PROSER2: variants seen among roughly 807,000 people sequenced by gnomAD.
PROSER2 encodes proline and serine rich 2.
A neutral mutation model predicts 14.6 loss-of-function variants in PROSER2; 18 were observed. That is an observed-to-expected ratio of 1.23 (90% confidence interval 0.85 to 1.83). PROSER2 has a LOEUF of 1.83. PROSER2 is among the 40% of genes most tolerant of loss of function. The pLI is 0.00. For missense variants in PROSER2, 823 were observed against 629.8 expected, an observed-to-expected ratio of 1.31 and a Z score of -3.28; for synonymous variants, 367 against 286.4, an observed-to-expected ratio of 1.28 and a Z score of -2.84.
At chr10:11,824,432 T>G (rs1833583443) in intron 1 of PROSER2, among the ~76,000 whole-genome samples, 2 of 152,232 alleles carry the variant, frequency 1.3e-5, no homozygotes. Context: ...TTAAAAATAC[T>G]TTTTACATTA....
chr10:11,835,322 G>C (rs1010934741), intron 1 of PROSER2, among the ~76,000 whole-genome samples: 1 of 152,008 alleles, frequency 6.6e-6, no homozygotes, highest in Admixed American at 6.6e-5. Flanking sequence ...GGATGACATG[G>C]ACATTGGGCT....
chr10:11,841,745 T>A (rs1183493536), intron 1 of PROSER2, among the ~76,000 whole-genome samples: 1 of 152,212 alleles, frequency 6.6e-6, no homozygotes, highest in Non-Finnish European at 1.5e-5. Flanking sequence ...AATATATATT[T>A]GATACCAGTC....
chr10:11,852,070 C>G lies in PROSER2; in HGVS notation c.-8C>G, dbSNP rs916670163. ...TGTGATCGAGCCGGCCCTGAGGACT[C>G]TGTGGAGATGCCTGTAACCCACCGG... On this transcript the variant is annotated 5_prime_UTR_variant, in exon 2 of 4. Transcript: ENST00000277570. The G allele has an allele frequency of 1.9e-5, 30 of 1,606,060 alleles. No individual in the cohort carries two copies. The highest frequency in any genetic ancestry group is 2.5e-5 in the Non-Finnish European group (29 of 1,175,928).
intron 2 of PROSER2, among the ~76,000 whole-genome samples, chr10:11,858,282 T>G (rs1284694170): frequency 6.6e-6 from 1 of 152,184 alleles, no homozygotes; most frequent in South Asian, 2.1e-4. Flanking sequence ...TTTTAAGCCT[T>G]CTCAGCATTT....
rs1164081365 is a variant in PROSER2, at chr10:11,870,273, C to T, written c.1175C>T (p.Ala392Val). 1.7e-5 allele frequency: 25 copies of T among 1,491,528 alleles called. No homozygotes were observed. Among genetic ancestry groups the T allele is most frequent in the Non-Finnish European group, 2.1e-5 (24 of 1,128,384 alleles). 92.4% of individuals were successfully genotyped at this position (1,491,528 alleles called of 1,614,324 possible). A position where few individuals can be genotyped will look rare whatever the true frequency, so the allele number is the denominator to read the frequency against. Residue 392 changes from alanine to valine, a missense_variant, in exon 4 of 4, where the codon GCC becomes GTC. Physicochemically the swap from Ala to Val is moderately conservative, Grantham distance 64. Coordinates refer to ENST00000277570, the MANE Select transcript of PROSER2 (RefSeq NM_153256.4). ...CCCGGGCCCCGGCAGCCCAACGGCG[C>T]CCAGGACTGGCGCCGCGCAGACTCC... ...SFPGPRQPNG[A>V]QDWRRADSLP...
Position 11,870,594 on chromosome 10 carries a change from C to T in PROSER2, c.*188C>T. On this transcript the variant is annotated 3_prime_UTR_variant, in exon 4 of 4. Coordinates refer to ENST00000277570, the MANE Select transcript of PROSER2 (RefSeq NM_153256.4). Reference sequence around the variant, plus strand: ...GCTGAGCACGCACCGCAAGCTCCAGCCACCGGCACAGAGAACTCTTCCCTA... The same window carrying T: ...GCTGAGCACGCACCGCAAGCTCCAGTCACCGGCACAGAGAACTCTTCCCTA... 2.1e-6 allele frequency: 1 copy of T among 487,182 alleles called. No homozygotes were observed. Among genetic ancestry groups the T allele is most frequent in the Non-Finnish European group, 3.7e-6 (1 of 272,794 alleles). 30.2% of individuals were successfully genotyped at this position (487,182 alleles called of 1,614,324 possible).
chr10:11,848,446 G>A (rs1833959021), intron 1 of PROSER2, among the ~76,000 whole-genome samples: 1 of 152,210 alleles, frequency 6.6e-6, no homozygotes, highest in Admixed American at 6.5e-5. Context: ...AGGGGTTACA[G>A]GCGTGAGCCA....
chr10:11,870,220 G>T lies in PROSER2; in HGVS notation c.1122G>T (p.Leu374=), dbSNP rs772881601. ...KSLCFRPGPA[L]PSTRARQSFP... is the part of the protein sequence containing the mutation. ...TCTGCTTCCGCCCTGGCCCGGCCCT[G>T]CCCAGCACGCGGGCCCGTCAGAGCT... The change falls in exon 4 of 4, where the codon CTG becomes CTT. Residue 374 remains leucine (L), a synonymous_variant. Transcript: ENST00000277570. The T allele has an allele frequency of 2.3e-5, 35 of 1,491,302 alleles. No individual in the cohort carries two copies. The African/African-American group carries it at 3.8e-4, about 16-fold the overall frequency. The allele number at this position is 1,491,302 out of a possible 1,614,324, so 92.4% of individuals were successfully genotyped here.
At position 11,851,993 on chromosome 10, in the gene PROSER2, C is replaced by G. The variant is rs751115504; in HGVS notation, c.-81-4C>G. On this transcript the variant is annotated splice_polypyrimidine_tract_variant and splice_region_variant and intron_variant, in intron 1 of 3. Transcript: ENST00000277570. ...CCATTGTCATTCGTGTTTGGTGTCT[C>G]TAGGAGTGAGCTGTTGCCGCAGAAT... The G allele has an allele frequency of 2.7e-4, 395 of 1,460,150 alleles. No homozygotes were observed. The highest frequency in any genetic ancestry group is 3.3e-4 in the Non-Finnish European group (358 of 1,097,172). 90.4% of individuals were successfully genotyped at this position (1,460,150 alleles called of 1,614,324 possible).
In PROSER2 at chr10:11,836,643, C is replaced by T. The variant is rs144445443; in HGVS notation, c.-82+13173C>T. ...GACCCTGCTGTAGTGTGTAAGTATG[C>T]TCACTGACCTCTGCCCTACTGTATA... On this transcript the variant is annotated intron_variant, in intron 1 of 3. Transcript: ENST00000277570. This position sits in a 1 kb window ranked among gnomAD's most constrained non-coding sequence, Gnocchi z 4.6. Among the ~76,000 whole-genome samples the T allele has an allele frequency of 3.0e-3, 461 of 152,288 alleles. 4 individuals are homozygous for T. The highest frequency in any genetic ancestry group is 0.011 in the African/African-American group (441 of 41,538).
Position 11,871,484 on chromosome 10 carries a change from T to G in PROSER2, c.*1078T>G, listed in dbSNP as rs1834488404. The G allele has an allele frequency of 6.6e-6, 1 of 152,202 alleles. No homozygotes were observed. Among genetic ancestry groups the G allele is most frequent in the Non-Finnish European group, 1.5e-5 (1 of 68,038 alleles). The allele number at this position is 152,202 out of a possible 1,614,324, so 9.4% of individuals were successfully genotyped here. On this transcript the variant is annotated 3_prime_UTR_variant, in exon 4 of 4. Transcript: ENST00000277570. ...ATCTCCTTTATCATCCAATTTTAGT[T>G]CTGCATGTTCCGAGGTAGCCAGTCA...
intron 2 of PROSER2, among the ~76,000 whole-genome samples, chr10:11,855,953 TCCTG>T (rs1208553480): frequency 6.6e-6 from 1 of 152,162 alleles, no homozygotes; most frequent in Admixed American, 6.5e-5. Flanking sequence ...TGGTAAAGAA[TCCTG>T]CCTGTGAACA....
Position 11,871,118 on chromosome 10 carries a change from A to AGAT in PROSER2, c.*713_*715dup, listed in dbSNP as rs1454757405. The stretch of plus-strand genomic sequence containing the variant: ...CCTGTGTTTGTGTGTGTATGTTTTT[A>AGAT]GATACGTACGTGTCAACACATACAT... On this transcript the variant is annotated 3_prime_UTR_variant, in exon 4 of 4. Coordinates refer to ENST00000277570, the MANE Select transcript of PROSER2 (RefSeq NM_153256.4). 5.3e-5 allele frequency: 8 copies of AGAT among 152,348 alleles called. No individual in the cohort carries two copies. The highest frequency in any genetic ancestry group is 7.3e-5 in the Non-Finnish European group (5 of 68,040). The allele number at this position is 152,348 out of a possible 1,614,324, so 9.4% of individuals were successfully genotyped here. A position where few individuals can be genotyped will look rare whatever the true frequency, so the allele number is the denominator to read the frequency against.
intron 2 of PROSER2, among the ~76,000 whole-genome samples, chr10:11,857,937 T>C (rs894613006): frequency 1.3e-5 from 2 of 151,442 alleles, no homozygotes; most frequent in South Asian, 2.1e-4. Flanking sequence ...CTAAATTTCT[T>C]TTTTTTTCCC....
intron 1 of PROSER2, among the ~76,000 whole-genome samples, chr10:11,824,697 A>G (rs1461563082): frequency 2.6e-5 from 4 of 152,252 alleles, no homozygotes; most frequent in Admixed American, 6.5e-5. Context: ...CAGACTAGTA[A>G]TAGCCATGTT....
chr10:11,845,170 G>T (rs577301512), intron 1 of PROSER2, among the ~76,000 whole-genome samples: 1 of 152,206 alleles, frequency 6.6e-6, no homozygotes, highest in Non-Finnish European at 1.5e-5. Context: ...CAATTTCTCG[G>T]TAGGATAAAT....
chr10:11,869,720 A>G lies in PROSER2; in HGVS notation c.622A>G (p.Asn208Asp), dbSNP rs1020687391. Residue 208 changes from asparagine to aspartate, a missense_variant, in exon 4 of 4, where the codon AAC becomes GAC. Transcript: ENST00000277570. This position sits in a 1 kb window ranked among gnomAD's most constrained non-coding sequence, Gnocchi z 4.4. The stretch of plus-strand genomic sequence containing the variant: ...GAAGATTTCCGAGAGGATGGCGGGG[A>G]ACGAAGCCCTCTCGCCCACCTCCCC... ...AQKISERMAG[N>D]EALSPTSPFR... 6.9e-6 allele frequency: 11 copies of G among 1,592,812 alleles called. No homozygotes were observed. Among genetic ancestry groups the G allele is most frequent in the Non-Finnish European group, 9.4e-6 (11 of 1,170,758 alleles).
At chr10:11,857,571 T>A (rs1019957895) in intron 2 of PROSER2, among the ~76,000 whole-genome samples, 3 of 151,678 alleles carry the variant, frequency 2.0e-5, no homozygotes, top group African/African-American at 7.3e-5. Context: ...ATGGTGAAAC[T>A]CCGTCTCTAC....
In PROSER2 at chr10:11,836,033, CTTTA is replaced by C. The variant is rs914505198; in HGVS notation, c.-82+12573_-82+12576del. Among the ~76,000 whole-genome samples, 3 of 151,852 alleles carry C rather than the reference CTTTA, an allele frequency of 2.0e-5. No individual in the cohort carries two copies. Among genetic ancestry groups the C allele is most frequent in the African/African-American group, 7.3e-5 (3 of 41,352 alleles). On this transcript the variant is annotated intron_variant, in intron 1 of 3. Transcript: ENST00000277570. The surrounding 1 kb of genome is among the most constrained non-coding windows in gnomAD (Gnocchi z 4.6). ...ATATAGGGATTTTGGGGGGATGTGGCTTTATTTATTTATCTAGAGACAGAGTCTC... is the reference window on the plus strand; with the variant it reads ...ATATAGGGATTTTGGGGGGATGTGGCTTTATTTATCTAGAGACAGAGTCTC...
Sources: allele counts gnomAD v4.1 joint callset (sites outside exome capture counted in the v4.1 genomes callset), GRCh38; gene constraint gnomAD v4.1.1; non-coding constraint Gnocchi (gnomAD v3.1); transcripts MANE v1.5; gene names NCBI Gene and HGNC (gene_info 2026-07-23, HGNC 2026-07-21).